Variants in CHL1 observed in about 807,000 individuals in gnomAD.
CHL1 encodes cell adhesion molecule L1 like.
CHL1 carries 96 observed loss-of-function variants against 141.9 expected under a neutral mutation model. The ratio of observed to expected loss-of-function variants is 0.68; its 90% CI spans 0.57 to 0.80. CHL1 has a LOEUF of 0.80. Ranked by LOEUF, CHL1 falls within the 30% of genes least tolerant of loss-of-function variation. The pLI is 0.00. For missense variants in CHL1, 1,820 were observed against 1,457.2 expected, an observed-to-expected ratio of 1.25 and a Z score of -4.05; for synonymous variants, 613 against 502.2, an observed-to-expected ratio of 1.22 and a Z score of -2.95.
chr3:345,053 C>A (rs1301125538), intron 9 of CHL1, among the ~76,000 whole-genome samples: 1 of 152,016 alleles, frequency 6.6e-6, no homozygotes, highest in Non-Finnish European at 1.5e-5. Context: ...GTCATTATAT[C>A]TCTGGAGGAA....
chr3:343,063 T>A (rs1243556694), intron 8 of CHL1, 32 bp downstream of exon 8: 7 of 1,549,572 alleles, frequency 4.5e-6, no homozygotes, highest in Non-Finnish European at 6.1e-6. Flanking sequence ...TGTTGGCATT[T>A]GTGTATAGCT....
intron 2 of CHL1, among the ~76,000 whole-genome samples, chr3:309,551 T>C (rs1246197983): frequency 6.6e-6 from 1 of 151,510 alleles, no homozygotes; most frequent in Admixed American, 6.6e-5. Context: ...TTTGAAACGG[T>C]CTCACTCTGT....
intron 1 of CHL1, among the ~76,000 whole-genome samples, chr3:225,907 G>A (rs931948633): frequency 5.9e-5 from 9 of 151,846 alleles, no homozygotes; most frequent in Admixed American, 1.3e-4. Context: ...TACTCGGGGG[G>A]CTGAGGCAGG....
intron 2 of CHL1, among the ~76,000 whole-genome samples, chr3:254,830 T>G (rs1373836721): frequency 6.6e-6 from 1 of 152,176 alleles, no homozygotes; most frequent in Non-Finnish European, 1.5e-5. Flanking sequence ...ATCCCATTCA[T>G]GAGGGAGGAG....
intron 11 of CHL1, among the ~76,000 whole-genome samples, chr3:359,850 C>T (rs2060312): frequency 0.5 from 75,208 of 151,846 alleles, 20,358 homozygotes; most frequent in Admixed American, 0.67. Flanking sequence ...GGAACAAAAG[C>T]GTCAAGGGGG....
intron 2 of CHL1, among the ~76,000 whole-genome samples, chr3:304,504 C>T (rs988995177): frequency 6.6e-6 from 1 of 152,168 alleles, no homozygotes; most frequent in South Asian, 2.1e-4. Context: ...TCCATTTCTT[C>T]TAGATTTTCT....
In CHL1 at chr3:361,754, G is replaced by A. The variant is rs748661944; in HGVS notation, c.1362G>A (p.Gly454=). ...GAGAAAATTACGCTACAGTGGTTGGGTACAGTGCTTTCTTACATTGCGAGT... is the reference window on the plus strand; with the variant it reads ...GAGAAAATTACGCTACAGTGGTTGGATACAGTGCTTTCTTACATTGCGAGT... The part of the protein sequence containing the change: ...KDGENYATVV[G]YSAFLHCEFF... The change falls in exon 13 of 28, where the codon GGG becomes GGA. Residue 454 remains glycine, a synonymous_variant. Coordinates refer to ENST00000256509, the MANE Select transcript of CHL1 (RefSeq NM_006614.4). The A allele has an allele frequency of 1.7e-5, 27 of 1,613,656 alleles. No homozygotes were observed. The highest frequency in any genetic ancestry group is 2.1e-5 in the Non-Finnish European group (25 of 1,179,634).
rs1701161361 is a variant in CHL1, at chr3:328,251, C to G, written c.282C>G (p.Ile94Met). 1 of 1,612,966 alleles carries G rather than the reference C, an allele frequency of 6.2e-7. No homozygotes were observed. Among genetic ancestry groups the G allele is most frequent in the Non-Finnish European group, 8.5e-7 (1 of 1,179,258 alleles). ...CGAACAATTCAGGAACATTCAGGAT[C>G]CCAAACGAGGGGCACATATCTCACT... ...IPSNNSGTFRIPNEGHISHFQ... is the reference protein window; with the variant it reads ...IPSNNSGTFRMPNEGHISHFQ... Residue 94 changes from isoleucine (I) to methionine (M), a missense_variant, in exon 5 of 28, where the codon ATC (isoleucine) becomes ATG (methionine). Physicochemically the swap from Ile to Met is conservative, Grantham distance 10 (BLOSUM62 1). Coordinates refer to ENST00000256509, the MANE Select transcript of CHL1 (RefSeq NM_006614.4).
intron 1 of CHL1, among the ~76,000 whole-genome samples, chr3:233,134 T>C (rs923354219): frequency 6.6e-6 from 1 of 152,198 alleles, no homozygotes; most frequent in African/African-American, 2.4e-5. Context: ...TCTTGTCATT[T>C]CTTACTACAA....
intron 2 of CHL1, among the ~76,000 whole-genome samples, chr3:305,751 T>C (rs992676019): frequency 6.6e-6 from 1 of 151,746 alleles, no homozygotes; most frequent in African/African-American, 2.4e-5. Flanking sequence ...ATATCTTAAA[T>C]GTTTTCTGGC....
rs527779492 is a variant in CHL1, at chr3:307,330, AAACG to A, written c.-94-12352_-94-12349del. ...TGCACAAGCATGCATTTACACACACAAACGTACACTTCACAGAATTATACCCTGT... is the reference window on the plus strand; with the variant it reads ...TGCACAAGCATGCATTTACACACACATACACTTCACAGAATTATACCCTGT... On this transcript the variant is annotated intron_variant, in intron 2 of 27. Coordinates refer to ENST00000256509, the MANE Select transcript of CHL1 (RefSeq NM_006614.4). Among the ~76,000 whole-genome samples, 70 of 152,322 alleles carry A rather than the reference AAACG, an allele frequency of 4.6e-4. 1 individual carries two copies. The highest frequency in any genetic ancestry group is 1.6e-3 in the African/African-American group (66 of 41,576).
chr3:198,436 C>G (rs1698604201), intron 1 of CHL1, among the ~76,000 whole-genome samples: 1 of 152,188 alleles, frequency 6.6e-6, no homozygotes, highest in Non-Finnish European at 1.5e-5. Context: ...CGGGCTCGCT[C>G]TAGGCGGAGG....
intron 26 of CHL1, 122 bp from the exon 27 acceptor site, chr3:401,504 C>T (rs903070556): frequency 3.3e-6 from 2 of 598,052 alleles, no homozygotes; most frequent in African/African-American, 2.0e-5. Context: ...AATATTGCCT[C>T]ACTGGTATCA....
chr3:304,164 A>C (rs1202550550), intron 2 of CHL1, among the ~76,000 whole-genome samples: 1 of 152,016 alleles, frequency 6.6e-6, no homozygotes, highest in East Asian at 1.9e-4. Flanking sequence ...GAGGATTTTC[A>C]CATCAATGTT....
At position 406,090 on chromosome 3, in the gene CHL1, A is replaced by G. The variant is rs879883034; in HGVS notation, c.*379A>G. 5 of 181,856 alleles carry G rather than the reference A, an allele frequency of 2.7e-5. No individual in the cohort carries two copies. Among genetic ancestry groups the G allele is most frequent in the Non-Finnish European group, 5.8e-5 (5 of 86,690 alleles). The allele number at this position is 181,856 out of a possible 1,614,324, so 11.3% of individuals were successfully genotyped here. On this transcript the variant is annotated 3_prime_UTR_variant, in exon 28 of 28. Coordinates refer to ENST00000256509, the MANE Select transcript of CHL1 (RefSeq NM_006614.4). ...TTTTTCTCCGTATGCACATTGGTAT[A>G]CAGTCTCTGAGAACTGGCTTGGTGA...
At position 407,482 on chromosome 3, in the gene CHL1, A is replaced by G. The variant is rs1353343021; in HGVS notation, c.*1771A>G. The G allele has an allele frequency of 6.6e-6, 1 of 152,118 alleles. No homozygotes were observed. The highest frequency in any genetic ancestry group is 2.4e-5 in the African/African-American group (1 of 41,426). The allele number at this position is 152,118 out of a possible 1,614,324, so 9.4% of individuals were successfully genotyped here. A position where few individuals can be genotyped will look rare whatever the true frequency, so the allele number is the denominator to read the frequency against. ...CGCAGTCCCGGGAGTAAGCATTTCA[A>G]AGGGGGAAGGCAGTGTGGTCCCTAC... On this transcript the variant is annotated 3_prime_UTR_variant, in exon 28 of 28. Transcript: ENST00000256509.
In CHL1 at chr3:391,016, T is replaced by G. The variant is rs750103462; in HGVS notation, c.2648T>G (p.Ile883Ser). The change falls in exon 22 of 28, where the codon ATT (isoleucine) becomes AGT (serine). Residue 883 changes from isoleucine to serine, a missense_variant. Physicochemically the swap from Ile to Ser is moderately radical, Grantham distance 142. Transcript: ENST00000256509. ...AGAACACATCCCAAAGAAGTGAACA[T>G]TCTAAGATTTTCAGGACAAAGAAAC... ...DGRTHPKEVN[I>S]LRFSGQRNSG... is the part of the protein sequence containing the mutation. The G allele has an allele frequency of 2.1e-5, 34 of 1,614,190 alleles. No individual in the cohort carries two copies. Among genetic ancestry groups the G allele is most frequent in the Non-Finnish European group, 2.9e-5 (34 of 1,179,988 alleles).
intron 1 of CHL1, among the ~76,000 whole-genome samples, chr3:240,736 A>G (rs1319847697): frequency 2.0e-5 from 3 of 151,916 alleles, no homozygotes; most frequent in Admixed American, 6.6e-5. Flanking sequence ...CGGGTCTTAT[A>G]TTTAAGTCCA....
At chr3:320,650 G>C (rs957401305) in intron 3 of CHL1, among the ~76,000 whole-genome samples, 1 of 151,770 alleles carries the variant, frequency 6.6e-6, no homozygotes, top group Non-Finnish European at 1.5e-5. Context: ...TCACACCTGC[G>C]AATAGACATT....
Sources: allele counts gnomAD v4.1 joint callset (sites outside exome capture counted in the v4.1 genomes callset), GRCh38; gene constraint gnomAD v4.1.1; transcripts MANE v1.5; gene names NCBI Gene and HGNC (gene_info 2026-07-23, HGNC 2026-07-21).